Variants in KCNIP4 observed in about 807,000 individuals in gnomAD.
KCNIP4 encodes the protein Kv channel-interacting protein 4.
KCNIP4 carries 12 observed loss-of-function variants against 34.0 expected under a neutral mutation model. That is an observed-to-expected ratio of 0.35 (90% confidence interval 0.23 to 0.57). The LOEUF (loss-of-function observed/expected upper bound fraction) is 0.57. Among genes scored for constraint, KCNIP4 ranks in the 20% least tolerant of loss-of-function variants. The pLI is 0.83. For synonymous variants in KCNIP4, 124 were observed against 102.2 expected, an observed-to-expected ratio of 1.21 and a Z score of -1.29; for missense variants, 238 against 311.7, an observed-to-expected ratio of 0.76 and a Z score of 1.78.
chr4:21,136,916 C>T (rs1325021076), intron 1 of KCNIP4, among the ~76,000 whole-genome samples: 1 of 152,120 alleles, frequency 6.6e-6, no homozygotes, highest in Non-Finnish European at 1.5e-5. Context: ...ACCTCTCGTA[C>T]CTTTTTATGA....
intron 1 of KCNIP4, among the ~76,000 whole-genome samples, chr4:21,233,009 A>T (rs1479070641): frequency 6.6e-6 from 1 of 152,148 alleles, no homozygotes; most frequent in East Asian, 1.9e-4. Flanking sequence ...TTACTAAAAG[A>T]ACATCAGAGA....
chr4:21,342,838 A>G (rs1230693116), intron 1 of KCNIP4, among the ~76,000 whole-genome samples: 1 of 152,022 alleles, frequency 6.6e-6, no homozygotes, highest in African/African-American at 2.4e-5. Flanking sequence ...GTCCTCCCTA[A>G]ATGTCAATAC....
chr4:21,532,877 A>G lies in KCNIP4; in HGVS notation c.61+415694T>C, dbSNP rs180731053. 4.9e-4 allele frequency among the ~76,000 whole-genome samples: 74 copies of G among 151,996 alleles called. No homozygotes were observed. In the East Asian group the frequency reaches 8.3e-3, roughly 17 times the overall value. On this transcript the variant is annotated intron_variant, in intron 1 of 8. Coordinates refer to ENST00000382152, the MANE Select transcript of KCNIP4 (RefSeq NM_025221.6). ...AAATTACAGGAATCTACCATATTAT[A>G]TTATCCAAGATTTTTAAAAATAGCT...
intron 1 of KCNIP4, among the ~76,000 whole-genome samples, chr4:21,507,468 G>C (rs536572110): frequency 6.6e-5 from 10 of 152,132 alleles, no homozygotes; most frequent in Admixed American, 2.0e-4. Context: ...TGTTGCCCAG[G>C]CTGGTCTCGA....
At chr4:20,895,460 A>G (rs991634543) in intron 1 of KCNIP4, among the ~76,000 whole-genome samples, 1 of 152,314 alleles carries the variant, frequency 6.6e-6, no homozygotes, top group East Asian at 1.9e-4. Context: ...ATCTCAAGGA[A>G]GTTGGGAGAT....
chr4:21,943,697 A>AG (rs1031120682), intron 1 of KCNIP4, among the ~76,000 whole-genome samples: 1 of 152,120 alleles, frequency 6.6e-6, no homozygotes. Flanking sequence ...TAAGTAATGG[A>AG]GGGGGGCATT....
intron 1 of KCNIP4, among the ~76,000 whole-genome samples, chr4:21,017,275 A>C (rs1277766645): frequency 6.6e-6 from 1 of 152,188 alleles, no homozygotes; most frequent in Non-Finnish European, 1.5e-5. Context: ...GGCTTGCTGC[A>C]CCTATCAACC....
chr4:21,834,989 A>G (rs536583880), intron 1 of KCNIP4, among the ~76,000 whole-genome samples: 6 of 151,558 alleles, frequency 4.0e-5, no homozygotes, highest in Non-Finnish European at 5.9e-5. Context: ...GCTGGATTCG[A>G]TTTGCCAGTA....
chr4:21,441,140 T>TC (rs1157579868), intron 1 of KCNIP4, among the ~76,000 whole-genome samples: 1 of 150,816 alleles, frequency 6.6e-6, no homozygotes, highest in Non-Finnish European at 1.5e-5. Context: ...CACCTTTCTT[T>TC]TTTTTTTTTT....
chr4:21,730,315 T>C (rs1257755427), intron 1 of KCNIP4, among the ~76,000 whole-genome samples: 1 of 152,190 alleles, frequency 6.6e-6, no homozygotes, highest in East Asian at 1.9e-4. Flanking sequence ...CAACTTAATA[T>C]TATAATTTTT....
intron 1 of KCNIP4, among the ~76,000 whole-genome samples, chr4:20,923,176 T>C (rs1307376393): frequency 6.6e-6 from 1 of 152,186 alleles, no homozygotes; most frequent in Non-Finnish European, 1.5e-5. Flanking sequence ...TGCTAAAAGT[T>C]TGTCTTTGTT....
rs574495284 is a variant in KCNIP4, at chr4:20,871,463, T to TA, written c.163+11144dup. 1.9e-4 allele frequency among the ~76,000 whole-genome samples: 28 copies of TA among 148,616 alleles called. 1 individual carries two copies. Among genetic ancestry groups the TA allele is most frequent in the South Asian group, 6.4e-4 (3 of 4,662 alleles). Reference sequence around the variant, plus strand: ...CTTTTATGGAATGAAGGAATACATTTAAAAAAAAAAATTAAAAGGGCCAGG... The same window carrying TA: ...CTTTTATGGAATGAAGGAATACATTTAAAAAAAAAAAATTAAAAGGGCCAGG... On this transcript the variant is annotated intron_variant, in intron 2 of 8. Transcript: ENST00000382152.
chr4:20,851,612 A>G (rs933386065), intron 2 of KCNIP4, among the ~76,000 whole-genome samples: 1 of 130,684 alleles, frequency 7.7e-6, no homozygotes, highest in Non-Finnish European at 1.8e-5. Context: ...TCACCACACT[A>G]CCTTCCACAA....
At chr4:21,291,493 T>C (rs1763459307) in intron 1 of KCNIP4, among the ~76,000 whole-genome samples, 1 of 152,068 alleles carries the variant, frequency 6.6e-6, no homozygotes, top group South Asian at 2.1e-4. Flanking sequence ...TTCCAAAAGC[T>C]AATAAGAGAT....
chr4:21,868,175 C>T (rs567930351), intron 1 of KCNIP4, among the ~76,000 whole-genome samples: 167 of 152,222 alleles, frequency 1.1e-3, no homozygotes, highest in Non-Finnish European at 2.0e-3. Flanking sequence ...AGGCCAACAT[C>T]AGAACACATT....
intron 3 of KCNIP4, among the ~76,000 whole-genome samples, chr4:20,786,715 G>A (rs1175451252): frequency 1.3e-5 from 2 of 152,028 alleles, no homozygotes; most frequent in Admixed American, 6.6e-5. Flanking sequence ...AATACATATG[G>A]CCACTACCAA....
chr4:20,757,606 T>C (rs141181400), intron 4 of KCNIP4, among the ~76,000 whole-genome samples: 2 of 152,296 alleles, frequency 1.3e-5, no homozygotes, highest in African/African-American at 4.8e-5. Flanking sequence ...ACCCTTTGTT[T>C]ACACCCCATT....
chr4:21,625,786 G>A (rs1745278750), intron 1 of KCNIP4, among the ~76,000 whole-genome samples: 2 of 152,232 alleles, frequency 1.3e-5, no homozygotes, highest in East Asian at 1.9e-4. Flanking sequence ...GTCAATACCT[G>A]TAACTGAAAA....
At chr4:21,103,160 T>A (rs1748098352) in intron 1 of KCNIP4, among the ~76,000 whole-genome samples, 1 of 151,690 alleles carries the variant, frequency 6.6e-6, no homozygotes, top group South Asian at 2.1e-4. Flanking sequence ...TTTATTTAAA[T>A]AACAGCTTTT....
Sources: allele counts gnomAD v4.1 joint callset (sites outside exome capture counted in the v4.1 genomes callset), GRCh38; gene constraint gnomAD v4.1.1; transcripts MANE v1.5; gene names NCBI Gene and HGNC (gene_info 2026-07-23, HGNC 2026-07-21).